Variants in SCCPDH observed in about 807,000 individuals in gnomAD.
SCCPDH encodes the protein saccharopine dehydrogenase-like oxidoreductase.
A neutral mutation model predicts 51.5 loss-of-function variants in SCCPDH; 34 were observed. That is an observed-to-expected ratio of 0.66 (90% CI 0.50 to 0.88). SCCPDH has a LOEUF of 0.88. Among genes scored for constraint, SCCPDH ranks in the 40% least tolerant of loss-of-function variants. The pLI, the probability that SCCPDH is intolerant of heterozygous loss-of-function variation, is 0.00. For missense variants in SCCPDH, 464 were observed against 527.1 expected (o/e 0.88, Z 1.17); for synonymous variants, 187 against 191.3 (o/e 0.98, Z 0.19).
At chr1:246,761,707 T>C (rs1379454573) in intron 9 of SCCPDH, among the ~76,000 whole-genome samples, 1 of 152,354 alleles carries the variant, frequency 6.6e-6, no homozygotes, top group Non-Finnish European at 1.5e-5. Context: ...GGTTCATCCA[T>C]ATTGTAAGCA....
chr1:246,742,412 A>G (rs1046223777), intron 4 of SCCPDH, among the ~76,000 whole-genome samples: 2 of 152,140 alleles, frequency 1.3e-5, no homozygotes, highest in South Asian at 2.1e-4. Context: ...AGAAGTCAGC[A>G]TTTTAGCAAG....
intron 5 of SCCPDH, among the ~76,000 whole-genome samples, chr1:246,744,337 AGATGGAGTTACGCTCTT>A (rs1668724987): frequency 3.3e-5 from 5 of 151,606 alleles, no homozygotes; most frequent in African/African-American, 9.7e-5. Context: ...TTTATTTTTG[AGATGGAGTTACGCTCTT>A]GTCGCCCAGG....
intron 2 of SCCPDH, among the ~76,000 whole-genome samples, chr1:246,735,150 ATTC>A (rs1020930277): frequency 1.8e-4 from 28 of 152,324 alleles, no homozygotes; most frequent in African/African-American, 6.5e-4. Flanking sequence ...CCTGTTTAAA[ATTC>A]TTCTGGAAAG....
chr1:246,733,045 A>T (rs1668514846), intron 2 of SCCPDH, among the ~76,000 whole-genome samples: 1 of 152,162 alleles, frequency 6.6e-6, no homozygotes, highest in Non-Finnish European at 1.5e-5. Flanking sequence ...AGATGTTAGA[A>T]GTGGGACCCA....
chr1:246,737,727 G>T (rs1668618056), intron 3 of SCCPDH, among the ~76,000 whole-genome samples: 1 of 151,898 alleles, frequency 6.6e-6, no homozygotes, highest in Non-Finnish European at 1.5e-5. Flanking sequence ...GAGTAGCTGG[G>T]GGTACAGGTG....
Position 246,760,077 on chromosome 1 carries a change from G to A in SCCPDH, c.933+1G>A. 6.2e-7 allele frequency: 1 copy of A among 1,609,228 alleles called. No individual in the cohort carries two copies. Among genetic ancestry groups the A allele is most frequent in the South Asian group, 1.1e-5 (1 of 89,472 alleles). ...AATTGGAAGGCAACTTCTCATAAAA[G>A]TAAGTAAGATTTTATGAAATTAGAT... is the stretch of plus-strand genomic sequence containing the variant. On this transcript the variant is annotated splice_donor_variant, in intron 8 of 11. Transcript: ENST00000366510. LOFTEE classifies it high-confidence loss of function.
chr1:246,759,931 C>T (rs754299679), intron 7 of SCCPDH, 26 bp from the exon 8 acceptor site: 2 of 1,599,346 alleles, frequency 1.3e-6, no homozygotes, highest in South Asian at 2.3e-5. Flanking sequence ...GAGTAATGTT[C>T]TAACTTTGTC....
At chr1:246,746,851 A>C (rs566699006) in intron 5 of SCCPDH, among the ~76,000 whole-genome samples, 1 of 152,248 alleles carries the variant, frequency 6.6e-6, no homozygotes, top group African/African-American at 2.4e-5. Context: ...AAAAATAAAA[A>C]TAAGTGATAG....
At chr1:246,732,383 C>G (rs1217662123) in intron 2 of SCCPDH, among the ~76,000 whole-genome samples, 1 of 151,714 alleles carries the variant, frequency 6.6e-6, no homozygotes, top group Non-Finnish European at 1.5e-5. Flanking sequence ...GCATGAAAGA[C>G]TGCTTCCAGA....
chr1:246,749,651 T>C (rs542521966), intron 5 of SCCPDH, among the ~76,000 whole-genome samples: 15 of 152,290 alleles, frequency 9.8e-5, no homozygotes, highest in Admixed American at 2.6e-4. Context: ...CAAGTACTAG[T>C]TGGGGCCGTC....
At chr1:246,747,521 C>T (rs368635387) in intron 5 of SCCPDH, among the ~76,000 whole-genome samples, 31 of 152,232 alleles carry the variant, frequency 2.0e-4, no homozygotes, top group African/African-American at 5.8e-4. Context: ...TTTTCAGTGC[C>T]GCAAAAGAAA....
intron 2 of SCCPDH, among the ~76,000 whole-genome samples, chr1:246,728,360 C>G (rs1668434519): frequency 6.6e-6 from 1 of 152,224 alleles, no homozygotes; most frequent in Non-Finnish European, 1.5e-5. Context: ...CTGCTGCACT[C>G]TATAATGGAC....
chr1:246,733,861 T>C (rs1412537867), intron 2 of SCCPDH, among the ~76,000 whole-genome samples: 1 of 152,216 alleles, frequency 6.6e-6, no homozygotes, highest in Non-Finnish European at 1.5e-5. Flanking sequence ...TCATGCTACA[T>C]GTCCTGTGCT....
At position 246,758,328 on chromosome 1, in the gene SCCPDH, C is replaced by G. The variant is rs1429466658; in HGVS notation, c.667C>G (p.Pro223Ala). 2.5e-6 allele frequency: 4 copies of G among 1,606,296 alleles called. No individual in the cohort carries two copies. In the South Asian group the frequency reaches 4.5e-5, roughly 18 times the overall value. Residue 223 changes from proline to alanine, a missense_variant, in exon 6 of 12, where the codon CCG becomes GCG. Transcript: ENST00000366510. ...LRNVSNLKPV[P>A]LIGPKLKRRW... is the part of the protein sequence containing the mutation. Reference sequence around the variant, plus strand: ...AAATGTATCAAATCTGAAACCTGTCCCGCTCATTGGTCCAAAATTGAAGAG... The same window carrying G: ...AAATGTATCAAATCTGAAACCTGTCGCGCTCATTGGTCCAAAATTGAAGAG...
intron 10 of SCCPDH, 117 bp from the exon 11 acceptor site, chr1:246,765,941 A>G (rs1669081528): frequency 5.9e-6 from 4 of 676,476 alleles, no homozygotes; most frequent in South Asian, 3.7e-5. Context: ...CAGAGTATCT[A>G]TTGAAAAAAA....
intron 5 of SCCPDH, among the ~76,000 whole-genome samples, chr1:246,756,462 T>G (rs1341846490): frequency 6.6e-6 from 1 of 152,244 alleles, no homozygotes; most frequent in Non-Finnish European, 1.5e-5. Context: ...AAAATTGTAT[T>G]AGGTACGTCT....
At chr1:246,736,401 T>G (rs991077142) in intron 3 of SCCPDH, among the ~76,000 whole-genome samples, 2 of 152,108 alleles carry the variant, frequency 1.3e-5, no homozygotes, top group African/African-American at 4.8e-5. Context: ...AATTCCCTTT[T>G]AAAAATCAGG....
chr1:246,749,236 T>G (rs1220019717), intron 5 of SCCPDH, among the ~76,000 whole-genome samples: 2 of 152,254 alleles, frequency 1.3e-5, no homozygotes, highest in African/African-American at 4.8e-5. Flanking sequence ...TGCACAAGCA[T>G]AACCGTCGCT....
intron 10 of SCCPDH, among the ~76,000 whole-genome samples, chr1:246,765,831 A>C (rs1669080080): frequency 6.6e-6 from 1 of 152,210 alleles, no homozygotes; most frequent in African/African-American, 2.4e-5. Context: ...GACCTTAAAT[A>C]ATTGTTATGA....
Sources: gnomAD v4.1 joint callset for allele counts (sites outside exome capture counted in the v4.1 genomes callset) on GRCh38, gnomAD v4.1.1 for gene constraint, MANE v1.5 for transcripts, NCBI Gene and HGNC (gene_info 2026-07-23, HGNC 2026-07-21) for gene names.